ANO2: variants seen among roughly 807,000 people sequenced by gnomAD.
The protein encoded by ANO2 is anoctamin-2.
In ANO2, 101 loss-of-function variants were observed where a neutral mutation model predicts 124.2. The ratio of observed to expected loss-of-function variants is 0.81; its 90% CI spans 0.69 to 0.96. The LOEUF is 0.96. Among genes scored for constraint, ANO2 ranks in the 40% least tolerant of loss-of-function variants. The probability of loss-of-function intolerance (pLI) is 0.00; values close to 1 mark genes in which losing one functional copy is unlikely to be tolerated. For synonymous variants in ANO2, 486 were observed against 482.5 expected (o/e 1.01, Z -0.09); for missense variants, 1,293 against 1,274.5 (o/e 1.01, Z -0.22).
intron 14 of ANO2, among the ~76,000 whole-genome samples, chr12:5,666,649 C>T (rs936710870): frequency 1.3e-4 from 19 of 146,892 alleles, no homozygotes; most frequent in Admixed American, 1.4e-4. Context: ...TTAGTCCACC[C>T]CTTTTTTCCC....
intron 16 of ANO2, among the ~76,000 whole-genome samples, chr12:5,622,835 G>A (rs115781277): frequency 0.015 from 2,285 of 152,132 alleles, 57 homozygotes; most frequent in African/African-American, 0.051. Flanking sequence ...GTGGTGGTAT[G>A]CAGCTACAAT....
chr12:5,885,079 G>T (rs1006990585), intron 3 of ANO2, among the ~76,000 whole-genome samples: 1 of 152,148 alleles, frequency 6.6e-6, no homozygotes, highest in Non-Finnish European at 1.5e-5. Flanking sequence ...CGTGGAAGCC[G>T]AACAAAATTT....
chr12:5,639,393 G>A (rs1335089676), intron 15 of ANO2, among the ~76,000 whole-genome samples: 3 of 152,086 alleles, frequency 2.0e-5, no homozygotes, highest in African/African-American at 7.2e-5. Context: ...AGGTTCCAGT[G>A]GAAAAAGGAA....
chr12:5,834,813 C>T lies in ANO2; in HGVS notation c.634-2210G>A, dbSNP rs191913636. On this transcript the variant is annotated intron_variant, in intron 4 of 24. Transcript: ENST00000682330. The stretch of plus-strand genomic sequence containing the variant: ...ACCCTCCTCTCCAAAAGGAACCTCA[C>T]TTAACCGTTTGGAATATATTTAATC... Among the ~76,000 whole-genome samples the T allele has an allele frequency of 5.3e-3, 814 of 152,300 alleles. 2 individuals are homozygous for T. The highest frequency in any genetic ancestry group is 7.0e-3 in the Non-Finnish European group (475 of 68,022).
intron 7 of ANO2, among the ~76,000 whole-genome samples, chr12:5,818,026 G>C (rs987333539): frequency 7.9e-5 from 12 of 152,166 alleles, no homozygotes; most frequent in African/African-American, 2.7e-4. Context: ...AGAAGGCTTG[G>C]AAGGATGCAG....
chr12:5,563,481 T>G lies in ANO2; in HGVS notation c.2815A>C (p.Ser939Arg). The change falls in exon 25 of 25, where the codon AGC (serine) becomes CGC (arginine). Residue 939 changes from serine (S) to arginine (R), a missense_variant. Coordinates refer to ENST00000682330, the MANE Select transcript of ANO2 (RefSeq NM_001364791.2). ...DISDQIKKEK[S>R]LLVDFFLKEE... ...TTCAGGAAGAAATCCACTAATAAGC[T>G]CTTCTCTTTCTTGATCTGGTCGCTG... 6.2e-7 allele frequency: 1 copy of G among 1,613,946 alleles called. No individual in the cohort carries two copies. Among genetic ancestry groups the G allele is most frequent in the Non-Finnish European group, 8.5e-7 (1 of 1,179,878 alleles).
At chr12:5,776,105 A>C (rs1035976749) in intron 10 of ANO2, among the ~76,000 whole-genome samples, 1 of 152,210 alleles carries the variant, frequency 6.6e-6, no homozygotes, top group Non-Finnish European at 1.5e-5. Flanking sequence ...AATAATGAGC[A>C]CTGTTGGCGA....
chr12:5,937,728 G>C (rs1339722367), intron 1 of ANO2, among the ~76,000 whole-genome samples: 1 of 152,012 alleles, frequency 6.6e-6, no homozygotes, highest in Non-Finnish European at 1.5e-5. Flanking sequence ...TTGTTGCCAG[G>C]GTATGCTGTG....
chr12:5,854,398 CA>C (rs56030072), intron 3 of ANO2, among the ~76,000 whole-genome samples: 5,382 of 75,926 alleles, frequency 0.071, 38 homozygotes, highest in East Asian at 0.24. Flanking sequence ...AGCTTCAGAG[CA>C]AAAAAAAAAA....
intron 16 of ANO2, among the ~76,000 whole-genome samples, chr12:5,621,528 G>A (rs748978358): frequency 5.3e-5 from 8 of 152,200 alleles, no homozygotes; most frequent in Non-Finnish European, 8.8e-5. Context: ...GGGCCAGTGC[G>A]ATGGGAGGGG....
At chr12:5,941,005 T>C (rs1237273615) in intron 1 of ANO2, among the ~76,000 whole-genome samples, 4 of 152,214 alleles carry the variant, frequency 2.6e-5, no homozygotes, top group Non-Finnish European at 4.4e-5. Flanking sequence ...AGACACAAAA[T>C]GCCACACATT....
At chr12:5,853,031 T>C (rs1055286633) in intron 4 of ANO2, among the ~76,000 whole-genome samples, 51 of 152,010 alleles carry the variant, frequency 3.4e-4, no homozygotes, top group Admixed American at 4.6e-4. Context: ...TCAAAGTCAA[T>C]AGCCACCCCT....
At chr12:5,684,398 T>C (rs1565564602) in intron 14 of ANO2, among the ~76,000 whole-genome samples, 1 of 152,206 alleles carries the variant, frequency 6.6e-6, no homozygotes, top group Non-Finnish European at 1.5e-5. Flanking sequence ...AAGTCGATCA[T>C]GCAGTGGGGG....
chr12:5,672,924 G>A (rs1344093760), intron 14 of ANO2, among the ~76,000 whole-genome samples: 1 of 152,172 alleles, frequency 6.6e-6, no homozygotes, highest in African/African-American at 2.4e-5. Flanking sequence ...CCCTTCCCAC[G>A]AATTAAATTT....
At chr12:5,646,566 A>G (rs1470163510) in intron 15 of ANO2, among the ~76,000 whole-genome samples, 2 of 152,190 alleles carry the variant, frequency 1.3e-5, no homozygotes, top group Admixed American at 6.5e-5. Context: ...CTCATTAAAT[A>G]TTGAATGAAT....
rs138597286 is a variant in ANO2, at chr12:5,832,062, C to T, written c.785+390G>A. Among the ~76,000 whole-genome samples the T allele has an allele frequency of 1.8e-4, 28 of 152,336 alleles. No individual in the cohort carries two copies. The East Asian group carries it at 3.5e-3, about 19-fold the overall frequency. The stretch of plus-strand genomic sequence containing the variant: ...CCCAGAAGCTTCATCCACCTTCTTT[C>T]TGGTTTATCATATCCTGTTGAAACC... On this transcript the variant is annotated intron_variant, in intron 5 of 24. Transcript: ENST00000682330.
intron 14 of ANO2, among the ~76,000 whole-genome samples, chr12:5,726,563 ATCAACTTATGTTCCCCTATAGACC>A (rs1448959842): frequency 6.6e-6 from 1 of 152,176 alleles, no homozygotes; most frequent in Non-Finnish European, 1.5e-5. Context: ...ATTATCATTG[ATCAACTTATGTTCCCCTATAGACC>A]TCAGTCTTCT....
intron 3 of ANO2, among the ~76,000 whole-genome samples, chr12:5,867,392 A>G (rs1216632577): frequency 6.6e-6 from 1 of 152,198 alleles, no homozygotes; most frequent in African/African-American, 2.4e-5. Context: ...TTTGACTGTC[A>G]CAATGACAGG....
chr12:5,568,399 C>T (rs116017550), intron 23 of ANO2, among the ~76,000 whole-genome samples: 1,612 of 152,180 alleles, frequency 0.011, 22 homozygotes, highest in African/African-American at 0.037. Flanking sequence ...TGCTGGCCAA[C>T]CCACCCTATT....
Sources: gnomAD v4.1 joint callset for allele counts (sites outside exome capture counted in the v4.1 genomes callset) on GRCh38, gnomAD v4.1.1 for gene constraint, MANE v1.5 for transcripts, NCBI Gene and HGNC (gene_info 2026-07-23, HGNC 2026-07-21) for gene names.